Variants in ZDHHC17 observed in about 807,000 individuals in gnomAD.
ZDHHC17 encodes the protein zDHHC palmitoyltransferase 17.
Under a neutral mutation model 90.3 loss-of-function variants are expected in ZDHHC17, and 40 were observed. The observed-to-expected ratio is 0.44, with a 90% CI of 0.34 to 0.58. The LOEUF is 0.58. Among genes scored for constraint, ZDHHC17 ranks in the 20% least tolerant of loss-of-function variants. ZDHHC17 has a pLI of 0.01. For missense variants in ZDHHC17, 614 were observed against 780.8 expected (o/e 0.79, Z 2.55); for synonymous variants, 235 against 252.4 (o/e 0.93, Z 0.65).
intron 8 of ZDHHC17, among the ~76,000 whole-genome samples, chr12:76,825,820 G>C (rs961038419): frequency 6.6e-6 from 1 of 152,088 alleles, no homozygotes; most frequent in Non-Finnish European, 1.5e-5. Flanking sequence ...TTAGACCACA[G>C]CTGGGGTTTT....
chr12:76,770,653 G>A (rs546063167), intron 1 of ZDHHC17, among the ~76,000 whole-genome samples: 13 of 152,194 alleles, frequency 8.5e-5, no homozygotes, highest in African/African-American at 3.1e-4. Flanking sequence ...AATGCAGTGT[G>A]CTGGCCGGGC....
At chr12:76,812,660 A>G (rs1220479063) in intron 5 of ZDHHC17, among the ~76,000 whole-genome samples, 2 of 152,132 alleles carry the variant, frequency 1.3e-5, no homozygotes, top group African/African-American at 2.4e-5. Flanking sequence ...CATGGCTACT[A>G]TAGATGAGGC....
intron 1 of ZDHHC17, among the ~76,000 whole-genome samples, chr12:76,766,600 C>T (rs1480070198): frequency 6.6e-6 from 1 of 152,164 alleles, no homozygotes; most frequent in Non-Finnish European, 1.5e-5. Flanking sequence ...GTACTTTTAA[C>T]CTCTTTTTGG....
chr12:76,836,952 TTAAA>T (rs1312709665), intron 10 of ZDHHC17, among the ~76,000 whole-genome samples: 1 of 152,190 alleles, frequency 6.6e-6, no homozygotes, highest in Non-Finnish European at 1.5e-5. Context: ...TAGTATTGCT[TTAAA>T]TAATTTATGG....
Position 76,848,372 on chromosome 12 carries a change from C to T in ZDHHC17, c.1647C>T (p.Leu549=), listed in dbSNP as rs1169510584. The T allele has an allele frequency of 6.2e-7, 1 of 1,613,826 alleles. No individual in the cohort carries two copies. Among genetic ancestry groups the T allele is most frequent in the Middle Eastern group, 1.6e-4 (1 of 6,062 alleles). ...VFHFMWVAVL[L]MCQMYQISCL... The stretch of plus-strand genomic sequence containing the variant: ...ACTTCATGTGGGTGGCTGTATTACT[C>T]ATGTGTCAGATGTACCAGGTATGTG... The change falls in exon 15 of 17, where the codon CTC becomes CTT. Residue 549 remains leucine, a synonymous_variant. Coordinates refer to ENST00000426126, the MANE Select transcript of ZDHHC17 (RefSeq NM_015336.4).
chr12:76,843,746 TA>T (rs1953462589), intron 12 of ZDHHC17, among the ~76,000 whole-genome samples: 1 of 152,122 alleles, frequency 6.6e-6, no homozygotes, highest in Non-Finnish European at 1.5e-5. Context: ...AAGTCATACA[TA>T]AAACTAAATG....
chr12:76,787,079 A>G (rs1251769512), intron 1 of ZDHHC17, among the ~76,000 whole-genome samples: 1 of 152,226 alleles, frequency 6.6e-6, no homozygotes, highest in African/African-American at 2.4e-5. Flanking sequence ...ACAACTTAAA[A>G]TACTTGAAGG....
At chr12:76,802,528 C>T in intron 2 of ZDHHC17, among the ~76,000 whole-genome samples, 1 of 152,120 alleles carries the variant, frequency 6.6e-6, no homozygotes, top group Non-Finnish European at 1.5e-5. Context: ...CCCTTTCTCT[C>T]TCTCTCTTTT....
intron 5 of ZDHHC17, among the ~76,000 whole-genome samples, chr12:76,812,144 C>G (rs891718511): frequency 1.3e-5 from 2 of 152,106 alleles, no homozygotes; most frequent in Admixed American, 6.6e-5. Context: ...AAAGGATACT[C>G]AACATGTATA....
At chr12:76,777,124 A>G (rs952974997) in intron 1 of ZDHHC17, among the ~76,000 whole-genome samples, 1 of 127,380 alleles carries the variant, frequency 7.9e-6, no homozygotes, top group Non-Finnish European at 1.7e-5. Flanking sequence ...GTCAAGATAC[A>G]GCACACTTCC....
At chr12:76,767,036 AAAAG>A (rs1325733873) in intron 1 of ZDHHC17, among the ~76,000 whole-genome samples, 9 of 146,950 alleles carry the variant, frequency 6.1e-5, no homozygotes, top group Non-Finnish European at 1.5e-5. Flanking sequence ...AAAAAAAAAG[AAAAG>A]AAAAGAAAAT....
Position 76,788,688 on chromosome 12 carries a change from A to ATTTTTTTTTTTTTTTTTTTTTTTT in ZDHHC17, c.94-8743_94-8720dup, listed in dbSNP as rs763269507. On this transcript the variant is annotated intron_variant, in intron 1 of 16. Transcript: ENST00000426126. ...AAAATATATTTAAGTTGGAATCGCA[A>ATTTTTTTTTTTTTTTTTTTTTTTT]TTTTTTTTTTTTTTTTTTTTTTTTT... is the stretch of plus-strand genomic sequence containing the variant. Among the ~76,000 whole-genome samples the ATTTTTTTTTTTTTTTTTTTTTTTT allele has an allele frequency of 1.1e-4, 11 of 98,648 alleles. 2 individuals carry two copies. Among genetic ancestry groups the ATTTTTTTTTTTTTTTTTTTTTTTT allele is most frequent in the South Asian group, 3.4e-4 (1 of 2,918 alleles). 64.7% of individuals were successfully genotyped at this position (98,648 alleles called of 152,430 possible). A position where few individuals can be genotyped will look rare whatever the true frequency, so the allele number is the denominator to read the frequency against.
chr12:76,851,393 G>A lies in ZDHHC17; in HGVS notation c.*408G>A, dbSNP rs1953565988. ...TAAATGTTATGATGCAGTCTAGTAC[G>A]AGTATTGCATCTAATTCCAGGAGCA... On this transcript the variant is annotated 3_prime_UTR_variant, in exon 17 of 17. Transcript: ENST00000426126. 1.1e-5 allele frequency: 2 copies of A among 186,468 alleles called. No individual in the cohort carries two copies. The allele number at this position is 186,468 out of a possible 1,614,324, so 11.6% of individuals were successfully genotyped here.
At chr12:76,825,581 G>C (rs969143061) in intron 8 of ZDHHC17, among the ~76,000 whole-genome samples, 1 of 151,974 alleles carries the variant, frequency 6.6e-6, no homozygotes, top group Non-Finnish European at 1.5e-5. Context: ...ATTAAAGCCT[G>C]AAATTGATGT....
intron 8 of ZDHHC17, among the ~76,000 whole-genome samples, chr12:76,825,851 T>TGA (rs929811810): frequency 6.6e-6 from 1 of 152,124 alleles, no homozygotes; most frequent in African/African-American, 2.4e-5. Flanking sequence ...TTGGTGTGTG[T>TGA]GACAGGGTTT....
intron 1 of ZDHHC17, among the ~76,000 whole-genome samples, chr12:76,785,425 A>T (rs1332316592): frequency 1.3e-5 from 2 of 152,176 alleles, no homozygotes; most frequent in Admixed American, 6.5e-5. Context: ...CAGTAAACTC[A>T]TTAGTCAGAA....
At chr12:76,820,118 A>G (rs1953145507) in intron 7 of ZDHHC17, among the ~76,000 whole-genome samples, 1 of 152,112 alleles carries the variant, frequency 6.6e-6, no homozygotes, top group South Asian at 2.1e-4. Context: ...GAGTCCCCCC[A>G]GTAGACTTTG....
chr12:76,818,528 A>G (rs536502523), intron 7 of ZDHHC17, among the ~76,000 whole-genome samples: 4 of 152,346 alleles, frequency 2.6e-5, no homozygotes, highest in Non-Finnish European at 1.5e-5. Flanking sequence ...TGGAAGGACC[A>G]CATCCAGTGA....
intron 1 of ZDHHC17, among the ~76,000 whole-genome samples, chr12:76,770,926 C>CAAAAAAAAAAAAAAAAA: frequency 1.3e-5 from 1 of 76,194 alleles, no homozygotes; most frequent in Non-Finnish European, 2.5e-5. Flanking sequence ...AACTCCATCT[C>CAAAAAAAAAAAAAAAAA]AAAAAAAAAA....
Sources: gnomAD v4.1 joint callset for allele counts (sites outside exome capture counted in the v4.1 genomes callset) on GRCh38, gnomAD v4.1.1 for gene constraint, MANE v1.5 for transcripts, NCBI Gene and HGNC (gene_info 2026-07-23, HGNC 2026-07-21) for gene names.